Variants in DIS3L2 observed in about 807,000 individuals in gnomAD.
DIS3L2 encodes the protein DIS3 like 3'-5' exoribonuclease 2, also known as DIS3-like exonuclease 2.
DIS3L2 carries 34 observed loss-of-function variants against 97.5 expected under a neutral mutation model. That is an observed-to-expected ratio of 0.35 (90% confidence interval 0.27 to 0.46). The LOEUF (loss-of-function observed/expected upper bound fraction) is 0.46, where lower values mean the gene tolerates loss of function less well. DIS3L2 is among the 20% of genes least tolerant of loss of function. DIS3L2 has a pLI of 1.00. For missense variants in DIS3L2, 1,038 were observed against 1,146.0 expected (o/e 0.91, Z 1.36); for synonymous variants, 435 against 445.2 (o/e 0.98, Z 0.29).
chr2:232,302,970 TTGCATGGGGCTCTCTGGCCGGGA>T (rs1694900665), intron 14 of DIS3L2, among the ~76,000 whole-genome samples: 2 of 152,154 alleles, frequency 1.3e-5, no homozygotes, highest in African/African-American at 2.4e-5. Context: ...TCTGGCAGGG[TTGCATGGGGCTCTCTGGCCGGGA>T]TATCATGTTG....
At chr2:232,141,587 TCA>T (rs1690043354) in intron 8 of DIS3L2, among the ~76,000 whole-genome samples, 1 of 152,050 alleles carries the variant, frequency 6.6e-6, no homozygotes, top group Admixed American at 6.6e-5. Flanking sequence ...AGAGAATGGG[TCA>T]CAGTGCTGCT....
In DIS3L2 at chr2:232,333,825, C is replaced by G. The variant is rs1397324144; in HGVS notation, c.2011-15C>G. 1 of 1,603,622 alleles carries G rather than the reference C, an allele frequency of 6.2e-7. No homozygotes were observed. The highest frequency in any genetic ancestry group is 8.5e-7 in the Non-Finnish European group (1 of 1,175,602). On this transcript the variant is annotated splice_polypyrimidine_tract_variant and intron_variant, in intron 16 of 20. Transcript: ENST00000325385. ...GCTCTGGGCTTGTCAGGCTCTGACCCATCCCGTCCCGCAGATGGCACTGTA... is the reference window on the plus strand; with the variant it reads ...GCTCTGGGCTTGTCAGGCTCTGACCGATCCCGTCCCGCAGATGGCACTGTA...
At chr2:232,038,886 C>T (rs929002207) in intron 5 of DIS3L2, among the ~76,000 whole-genome samples, 4 of 152,146 alleles carry the variant, frequency 2.6e-5, no homozygotes, top group African/African-American at 9.7e-5. Context: ...GTGTTTCTCC[C>T]TAGAGGCCTA....
At chr2:232,204,036 A>G (rs1260669131) in intron 9 of DIS3L2, among the ~76,000 whole-genome samples, 3 of 152,100 alleles carry the variant, frequency 2.0e-5, no homozygotes, top group Admixed American at 6.5e-5. Context: ...CTGACTTTGT[A>G]TTTTTCTCGG....
rs1437600824 is a variant in DIS3L2 at position 232,153,696 on chromosome 2, G to A, written c.951-9763G>A. 3.6e-3 allele frequency among the ~76,000 whole-genome samples: 488 copies of A among 136,456 alleles called. 1 individual carries two copies. Among genetic ancestry groups the A allele is most frequent in the African/African-American group, 0.013 (437 of 34,472 alleles). 89.5% of individuals were successfully genotyped at this position (136,456 alleles called of 152,430 possible). On this transcript the variant is annotated intron_variant, in intron 8 of 20. Coordinates refer to ENST00000325385, the MANE Select transcript of DIS3L2 (RefSeq NM_152383.5). ...TATGTGTCTTGGAGTTGCTCTTCTC[G>A]AGGAGTATCTTTGTGGCGTTCTCTG...
intron 13 of DIS3L2, among the ~76,000 whole-genome samples, chr2:232,264,858 G>C (rs781053908): frequency 8.7e-4 from 133 of 152,366 alleles, no homozygotes; most frequent in Middle Eastern, 3.4e-3. Context: ...TCCTGCCTGT[G>C]TGTGGCAGAG....
At chr2:232,327,244 A>G (rs1184424797) in intron 14 of DIS3L2, among the ~76,000 whole-genome samples, 1 of 152,230 alleles carries the variant, frequency 6.6e-6, no homozygotes, top group Non-Finnish European at 1.5e-5. Context: ...CTTAGCCTGC[A>G]GCCTCAGTGC....
At chr2:232,219,317 TTCCTGGTTGC>T (rs1353668466) in intron 10 of DIS3L2, among the ~76,000 whole-genome samples, 1 of 152,232 alleles carries the variant, frequency 6.6e-6, no homozygotes, top group Admixed American at 6.5e-5. Context: ...ATATCTCTAC[TTCCTGGTTGC>T]TACCCTGCAT....
chr2:232,243,610 G>T (rs75732960), intron 11 of DIS3L2, among the ~76,000 whole-genome samples: 1 of 152,200 alleles, frequency 6.6e-6, no homozygotes, highest in Admixed American at 6.5e-5. Context: ...GACCCCAGGA[G>T]AACTAGGACA....
At chr2:231,968,202 A>G (rs1419332142) in intron 1 of DIS3L2, among the ~76,000 whole-genome samples, 1 of 150,042 alleles carries the variant, frequency 6.7e-6, no homozygotes, top group Non-Finnish European at 1.5e-5. Flanking sequence ...GGTTCATACC[A>G]TTCTCCTGCC....
intron 13 of DIS3L2, among the ~76,000 whole-genome samples, chr2:232,264,496 T>C (rs925980828): frequency 3.3e-5 from 5 of 152,218 alleles, no homozygotes; most frequent in African/African-American, 7.2e-5. Context: ...GTCAGTATAT[T>C]ACAGAGGAGA....
At chr2:232,270,275 A>G (rs1422612070) in intron 13 of DIS3L2, among the ~76,000 whole-genome samples, 1 of 152,198 alleles carries the variant, frequency 6.6e-6, no homozygotes, top group Non-Finnish European at 1.5e-5. Context: ...TAAAGAAAAA[A>G]TCATAATCAC....
chr2:232,223,811 G>A (rs138402569), intron 10 of DIS3L2, among the ~76,000 whole-genome samples: 203 of 152,276 alleles, frequency 1.3e-3, no homozygotes, highest in African/African-American at 4.6e-3. Context: ...AATTTGCATG[G>A]GCCACAGTGG....
intron 1 of DIS3L2, among the ~76,000 whole-genome samples, chr2:232,006,204 A>G (rs2106210059): frequency 6.6e-6 from 1 of 152,364 alleles, no homozygotes; most frequent in Middle Eastern, 3.4e-3. Context: ...GAAAAAAAGA[A>G]AAAAGAAAAG....
At chr2:231,972,792 C>T (rs962035199) in intron 1 of DIS3L2, among the ~76,000 whole-genome samples, 2 of 152,218 alleles carry the variant, frequency 1.3e-5, no homozygotes, top group Non-Finnish European at 2.9e-5. Context: ...GATCTGCCCA[C>T]CTCGGCCTCT....
In DIS3L2 at chr2:232,337,115, G is replaced by C. The variant is rs540506964; in HGVS notation, c.*485G>C. On this transcript the variant is annotated 3_prime_UTR_variant, in exon 21 of 21. Transcript: ENST00000325385. ...GGAACTTTCCTGTCAGTTCCAACAC[G>C]ATTCAGAGCTGGCTGCCTGGCAGAT... The C allele has an allele frequency of 3.1e-5, 31 of 1,015,114 alleles. No individual in the cohort carries two copies. The South Asian group carries it at 1.1e-3, about 38-fold the overall frequency. 62.9% of individuals were successfully genotyped at this position (1,015,114 alleles called of 1,614,324 possible).
chr2:232,323,950 G>T (rs1695506308), intron 14 of DIS3L2, among the ~76,000 whole-genome samples: 1 of 152,030 alleles, frequency 6.6e-6, no homozygotes, highest in African/African-American at 2.4e-5. Flanking sequence ...GCCTGGCCTG[G>T]AACAGAGCTG....
At chr2:232,134,710 T>C (rs1435118736) in intron 7 of DIS3L2, among the ~76,000 whole-genome samples, 1 of 152,040 alleles carries the variant, frequency 6.6e-6, no homozygotes, top group East Asian at 1.9e-4. Flanking sequence ...CACACACCTG[T>C]GGTCCCAGAA....
intron 8 of DIS3L2, among the ~76,000 whole-genome samples, chr2:232,142,473 A>G (rs1690088458): frequency 6.6e-6 from 1 of 152,160 alleles, no homozygotes; most frequent in South Asian, 2.1e-4. Flanking sequence ...TCTTGAAAAT[A>G]TTATGATGTT....
Sources: gnomAD v4.1 joint callset for allele counts (sites outside exome capture counted in the v4.1 genomes callset) on GRCh38, gnomAD v4.1.1 for gene constraint, MANE v1.5 for transcripts, NCBI Gene and HGNC (gene_info 2026-07-23, HGNC 2026-07-21) for gene names.